The following VAV2 variants were observed in gnomAD, a reference collection of about 807,000 sequenced individuals.
VAV2 encodes the protein vav guanine nucleotide exchange factor 2.
Under a neutral mutation model 132.5 loss-of-function variants are expected in VAV2, and 67 were observed. The ratio of observed to expected loss-of-function variants is 0.51; its 90% CI spans 0.42 to 0.62. VAV2 has a LOEUF of 0.62. VAV2 is among the 20% of genes least tolerant of loss of function. The pLI, the probability that VAV2 is intolerant of heterozygous loss-of-function variation, is 0.00. For missense variants in VAV2, 938 were observed against 1,153.6 expected (o/e 0.81, Z 2.71); for synonymous variants, 492 against 443.5 (o/e 1.11, Z -1.37).
At chr9:133,820,998 C>T (rs1031059078) in intron 4 of VAV2, among the ~76,000 whole-genome samples, 14 of 152,166 alleles carry the variant, frequency 9.2e-5, no homozygotes, top group Admixed American at 7.2e-4. Context: ...GCCGGGCTGT[C>T]GTGCCTTCCC....
At position 133,824,133 on chromosome 9, in the gene VAV2, G is replaced by T. The variant is rs532012301; in HGVS notation, c.449+10139C>A. Among the ~76,000 whole-genome samples the T allele has an allele frequency of 2.5e-4, 38 of 152,124 alleles. No individual in the cohort carries two copies. Among genetic ancestry groups the T allele is most frequent in the Middle Eastern group, 3.4e-3 (1 of 292 alleles). The stretch of plus-strand genomic sequence containing the variant: ...GGCAGGGAGGGTCCCTGAAAGTGTG[G>T]GGCTCTCATCCCAACGAGCTGCGGT... On this transcript the variant is annotated intron_variant, in intron 4 of 29. Transcript: ENST00000371850. This position sits in a 1 kb window ranked among gnomAD's most constrained non-coding sequence, Gnocchi z 5.2.
Position 133,777,484 on chromosome 9 carries a change from T to G in VAV2, c.1891-21A>C, listed in dbSNP as rs1397538455. On this transcript the variant is annotated intron_variant, in intron 22 of 29. Coordinates refer to ENST00000371850, the MANE Select transcript of VAV2 (RefSeq NM_001134398.2). The stretch of plus-strand genomic sequence containing the variant: ...CGACCCTGGCAGAGGAAAGAGATGG[T>G]TAGGACAAGGGGGCCGAGCCTGGCC... 3 of 1,612,648 alleles carry G rather than the reference T, an allele frequency of 1.9e-6. No homozygotes were observed. In the Admixed American group the frequency reaches 5.0e-5, roughly 27 times the overall value.
chr9:133,865,033 G>C (rs1269745622), intron 2 of VAV2, among the ~76,000 whole-genome samples: 2 of 152,190 alleles, frequency 1.3e-5, no homozygotes, highest in African/African-American at 4.8e-5. Context: ...TATGCTGCAG[G>C]TTCAGCAGAG....
intron 2 of VAV2, 39 bp downstream of exon 2, chr9:133,939,062 CCA>C (rs1207317120): frequency 3.1e-6 from 5 of 1,594,194 alleles, no homozygotes; most frequent in Non-Finnish European, 4.3e-6. Context: ...AAATCGGCCA[CCA>C]CAGCTGAGCG....
chr9:133,907,568 G>GC (rs1312993469), intron 2 of VAV2, among the ~76,000 whole-genome samples: 2 of 152,220 alleles, frequency 1.3e-5, no homozygotes, highest in African/African-American at 4.8e-5. Flanking sequence ...ACGTTGGAAA[G>GC]CCCCCTGGGA....
intron 3 of VAV2, among the ~76,000 whole-genome samples, chr9:133,859,644 C>A (rs371444853): frequency 0.016 from 2,265 of 145,060 alleles, 31 homozygotes; most frequent in East Asian, 0.026. Flanking sequence ...CAAAACAAAA[C>A]AAAAAAAAAA....
intron 2 of VAV2, among the ~76,000 whole-genome samples, chr9:133,909,877 C>T (rs1839814413): frequency 6.6e-6 from 1 of 152,134 alleles, no homozygotes; most frequent in African/African-American, 2.4e-5. Flanking sequence ...GATGAGCCTG[C>T]CACTCACTCT....
intron 12 of VAV2, among the ~76,000 whole-genome samples, chr9:133,793,280 G>A (rs1237662936): frequency 4.6e-5 from 7 of 152,084 alleles, no homozygotes; most frequent in Non-Finnish European, 1.0e-4. Flanking sequence ...CCCCCCGAGA[G>A]CAGCGGGTGG....
rs1032783414 is a variant in VAV2, at chr9:133,763,535, C to T, written c.*527G>A. 98 of 159,652 alleles carry T rather than the reference C, an allele frequency of 6.1e-4. 1 individual carries two copies. The highest frequency in any genetic ancestry group is 8.3e-5 in the Non-Finnish European group (6 of 72,486). 9.9% of individuals were successfully genotyped at this position (159,652 alleles called of 1,614,324 possible). Reference sequence around the variant, plus strand: ...CCCTAGCACAGTGGGGCAAGTGGGCCCACAGTGAACAGCCTGGCTCTGGTC... The same window carrying T: ...CCCTAGCACAGTGGGGCAAGTGGGCTCACAGTGAACAGCCTGGCTCTGGTC... On this transcript the variant is annotated 3_prime_UTR_variant, in exon 30 of 30. Coordinates refer to ENST00000371850, the MANE Select transcript of VAV2 (RefSeq NM_001134398.2). This position sits in a 1 kb window ranked among gnomAD's most constrained non-coding sequence, Gnocchi z 6.8.
rs1833338544 is a variant in VAV2 at position 133,763,661 on chromosome 9, C to T, written c.*401G>A. 1 of 213,260 alleles carries T rather than the reference C, an allele frequency of 4.7e-6. No individual in the cohort carries two copies. Among genetic ancestry groups the T allele is most frequent in the Non-Finnish European group, 9.5e-6 (1 of 105,318 alleles). The allele number at this position is 213,260 out of a possible 1,614,324, so 13.2% of individuals were successfully genotyped here. The stretch of plus-strand genomic sequence containing the variant: ...GAGCAGAGGGTGTGGGGGCAGGTCC[C>T]CTCCGATGTCCCTAGCCCTTCCTGG... On this transcript the variant is annotated 3_prime_UTR_variant, in exon 30 of 30. Transcript: ENST00000371850. The surrounding 1 kb of genome is among the most constrained non-coding windows in gnomAD (Gnocchi z 6.8).
intron 12 of VAV2, among the ~76,000 whole-genome samples, chr9:133,792,308 ATGTG>A (rs1336598497): frequency 5.6e-5 from 4 of 71,676 alleles, no homozygotes; most frequent in Non-Finnish European, 1.1e-4. Context: ...TGGGTGGGGT[ATGTG>A]TGTGTGATTG....
At position 133,919,694 on chromosome 9, in the gene VAV2, C is replaced by T. The variant is rs999430529; in HGVS notation, c.321+19409G>A. ...TCTCAGATCAGAGAGGAATGTAAGC[C>T]GGAAACAGCGCAGAGAGTGGGGCCA... is the stretch of plus-strand genomic sequence containing the variant. On this transcript the variant is annotated intron_variant, in intron 2 of 29. Transcript: ENST00000371850. The surrounding 1 kb of genome is among the most constrained non-coding windows in gnomAD (Gnocchi z 5.8). Among the ~76,000 whole-genome samples, 1 of 152,164 alleles carries T rather than the reference C, an allele frequency of 6.6e-6. No individual in the cohort carries two copies.
At chr9:133,851,252 G>T (rs922929424) in intron 3 of VAV2, among the ~76,000 whole-genome samples, 10 of 152,194 alleles carry the variant, frequency 6.6e-5, no homozygotes, top group African/African-American at 2.4e-4. Context: ...CTTCCAGGTG[G>T]GTGCCGGGAG....
intron 2 of VAV2, among the ~76,000 whole-genome samples, chr9:133,887,497 C>T (rs1346097861): frequency 6.6e-6 from 1 of 151,504 alleles, no homozygotes; most frequent in South Asian, 2.1e-4. Context: ...CCCTACCCCA[C>T]CCCACAAAAT....
rs989825711 is a variant in VAV2, at chr9:133,879,343, A to G, written c.322-17911T>C. On this transcript the variant is annotated intron_variant, in intron 2 of 29. Coordinates refer to ENST00000371850, the MANE Select transcript of VAV2 (RefSeq NM_001134398.2). The surrounding 1 kb of genome is among the most constrained non-coding windows in gnomAD (Gnocchi z 4.4). Reference sequence around the variant, plus strand: ...ATCAATGCCGCAGGGTAAAGAACAGAGCAGCTGGGAAGCAGGGGAGTCCAG... The same window carrying G: ...ATCAATGCCGCAGGGTAAAGAACAGGGCAGCTGGGAAGCAGGGGAGTCCAG... Among the ~76,000 whole-genome samples, 1 of 152,094 alleles carries G rather than the reference A, an allele frequency of 6.6e-6. No homozygotes were observed. The highest frequency in any genetic ancestry group is 2.4e-5 in the African/African-American group (1 of 41,406).
At chr9:133,793,284 C>T (rs912869286) in intron 12 of VAV2, among the ~76,000 whole-genome samples, 4 of 152,092 alleles carry the variant, frequency 2.6e-5, no homozygotes, top group African/African-American at 4.8e-5. Flanking sequence ...CCGAGAGCAG[C>T]GGGTGGAATT....
intron 19 of VAV2, among the ~76,000 whole-genome samples, chr9:133,782,180 T>C (rs1267894822): frequency 6.6e-6 from 1 of 152,208 alleles, no homozygotes; most frequent in Non-Finnish European, 1.5e-5. Context: ...TTGCCTTTCA[T>C]CATTTCTAGG....
intron 1 of VAV2, among the ~76,000 whole-genome samples, chr9:133,968,674 C>T (rs745507017): frequency 6.6e-6 from 1 of 152,202 alleles, no homozygotes; most frequent in African/African-American, 2.4e-5. Context: ...CATCACAGAG[C>T]CTTGTAGCCG....
chr9:133,990,260 C>T (rs570959372), intron 1 of VAV2, among the ~76,000 whole-genome samples: 3 of 152,272 alleles, frequency 2.0e-5, no homozygotes, highest in Admixed American at 6.5e-5. Flanking sequence ...GGCCCAGCAG[C>T]GGGACCCCTA....
Sources: allele counts gnomAD v4.1 joint callset (sites outside exome capture counted in the v4.1 genomes callset), GRCh38; gene constraint gnomAD v4.1.1; non-coding constraint Gnocchi (gnomAD v3.1); transcripts MANE v1.5; gene names NCBI Gene and HGNC (gene_info 2026-07-23, HGNC 2026-07-21).